The following PTPRD variants were observed in gnomAD, a reference collection of about 807,000 sequenced individuals.
PTPRD encodes the protein receptor-type tyrosine-protein phosphatase delta.
In PTPRD, 34 loss-of-function variants were observed where a neutral mutation model predicts 214.5. That is an observed-to-expected ratio of 0.16 (90% CI 0.12 to 0.21). PTPRD has a LOEUF of 0.21. PTPRD is among the 10% of genes least tolerant of loss of function. The pLI, the probability that PTPRD is intolerant of heterozygous loss-of-function variation, is 1.00. For synonymous variants in PTPRD, 1,128 were observed against 845.7 expected (o/e 1.33, Z -5.79); for missense variants, 2,545 against 2,398.7 (o/e 1.06, Z -1.27).
intron 10 of PTPRD, among the ~76,000 whole-genome samples, chr9:9,040,346 C>T (rs2099635754): frequency 6.6e-6 from 1 of 152,280 alleles, no homozygotes; most frequent in Admixed American, 6.5e-5. Context: ...AAGAAAGCAA[C>T]ACCATATGCC....
chr9:10,610,476 G>A (rs1041719622), intron 2 of PTPRD, among the ~76,000 whole-genome samples: 2 of 151,198 alleles, frequency 1.3e-5, no homozygotes, highest in African/African-American at 4.9e-5. Flanking sequence ...CCCTACTTAG[G>A]TACAATCTTC....
intron 5 of PTPRD, among the ~76,000 whole-genome samples, chr9:9,929,520 T>A (rs201615873): frequency 2.6e-5 from 4 of 152,130 alleles, no homozygotes; most frequent in Admixed American, 2.0e-4. Flanking sequence ...CAGCCTCCCA[T>A]GCAGCTGGGA....
intron 14 of PTPRD, among the ~76,000 whole-genome samples, chr9:8,620,557 A>T (rs942257758): frequency 7.9e-5 from 12 of 151,946 alleles, no homozygotes; most frequent in Non-Finnish European, 1.5e-4. Flanking sequence ...GGAGATAGAA[A>T]CCTTGACCTT....
chr9:9,300,418 C>G (rs560711312), intron 9 of PTPRD, among the ~76,000 whole-genome samples: 2 of 151,854 alleles, frequency 1.3e-5, no homozygotes, highest in Non-Finnish European at 2.9e-5. Context: ...GACAGCGCCT[C>G]TTCATCATTA....
intron 11 of PTPRD, among the ~76,000 whole-genome samples, chr9:9,000,195 G>A (rs1037178711): frequency 4.6e-5 from 7 of 151,998 alleles, no homozygotes; most frequent in East Asian, 1.9e-4. Flanking sequence ...GTGGAGCTGC[G>A]TTCTGAATCA....
chr9:9,556,556 A>G (rs550915774), intron 8 of PTPRD, among the ~76,000 whole-genome samples: 4 of 152,280 alleles, frequency 2.6e-5, no homozygotes, highest in African/African-American at 9.6e-5. Flanking sequence ...CTTGCCCCCA[A>G]TTTTCTTGCC....
At chr9:8,895,856 A>G (rs575747707) in intron 11 of PTPRD, among the ~76,000 whole-genome samples, 6 of 152,206 alleles carry the variant, frequency 3.9e-5, no homozygotes, top group African/African-American at 1.4e-4. Flanking sequence ...TTCACATTAA[A>G]GTTGGGCATT....
At chr9:9,923,182 G>T (rs969885849) in intron 5 of PTPRD, among the ~76,000 whole-genome samples, 4 of 148,714 alleles carry the variant, frequency 2.7e-5, no homozygotes, top group Admixed American at 2.7e-4. Context: ...TAAGACAAAT[G>T]TTAACTCTAC....
chr9:9,076,793 T>A (rs75385618), intron 10 of PTPRD, among the ~76,000 whole-genome samples: 1 of 24,746 alleles, frequency 4.0e-5, no homozygotes, highest in South Asian at 7.3e-4. Context: ...GATAATTTCC[T>A]TTTTTTTTTT....
At chr9:8,396,639 C>G (rs1251423654) in intron 36 of PTPRD, among the ~76,000 whole-genome samples, 11 of 152,176 alleles carry the variant, frequency 7.2e-5, no homozygotes, top group Non-Finnish European at 8.8e-5. Flanking sequence ...AAAAACAACA[C>G]AGCCAGCCAG....
chr9:9,547,238 T>A (rs866097014), intron 8 of PTPRD, among the ~76,000 whole-genome samples: 1 of 152,094 alleles, frequency 6.6e-6, no homozygotes, highest in South Asian at 2.1e-4. Flanking sequence ...TACGCAGTCA[T>A]CCTCATCATT....
At chr9:9,970,555 GA>G (rs35486253) in intron 4 of PTPRD, among the ~76,000 whole-genome samples, 2 of 151,860 alleles carry the variant, frequency 1.3e-5, no homozygotes, top group African/African-American at 2.4e-5. Context: ...TACCTAGTAG[GA>G]AAAAAAATTG....
At chr9:9,454,928 G>C (rs1348267281) in intron 8 of PTPRD, among the ~76,000 whole-genome samples, 1 of 151,302 alleles carries the variant, frequency 6.6e-6, no homozygotes, top group Non-Finnish European at 1.5e-5. Context: ...TGTTTAAATA[G>C]AATCTGTATA....
intron 11 of PTPRD, among the ~76,000 whole-genome samples, chr9:8,982,316 C>A (rs1332349773): frequency 6.6e-6 from 1 of 151,936 alleles, no homozygotes. Flanking sequence ...GCGTTAGCTT[C>A]TTTTAGGGCA....
intron 9 of PTPRD, among the ~76,000 whole-genome samples, chr9:9,244,674 A>C (rs1248587455): frequency 6.6e-6 from 1 of 152,206 alleles, no homozygotes; most frequent in Non-Finnish European, 1.5e-5. Context: ...ACCAAAAACC[A>C]TAAAAACCCT....
intron 9 of PTPRD, among the ~76,000 whole-genome samples, chr9:9,396,904 G>A (rs777425723): frequency 6.6e-6 from 1 of 151,970 alleles, no homozygotes; most frequent in Non-Finnish European, 1.5e-5. Flanking sequence ...TCTTCCAAGA[G>A]AGACATAAAT....
chr9:9,129,920 A>C (rs1454516578), intron 10 of PTPRD, among the ~76,000 whole-genome samples: 1 of 152,134 alleles, frequency 6.6e-6, no homozygotes, highest in African/African-American at 2.4e-5. Flanking sequence ...CAAGTTATGT[A>C]ATTTCTCTCT....
At chr9:8,693,125 C>G (rs867388741) in intron 12 of PTPRD, among the ~76,000 whole-genome samples, 1 of 152,176 alleles carries the variant, frequency 6.6e-6, no homozygotes, top group African/African-American at 2.4e-5. Context: ...GATACTTGCT[C>G]GTGTCCTTTG....
At position 9,259,747 on chromosome 9, in the gene PTPRD, G is replaced by A. The variant is rs139465710; in HGVS notation, c.-202-76384C>T. ...CAATAAACTTTCAGTAATAGTAAAC[G>A]CAGATCAGGTGGAGAAGAAAGGTTT... On this transcript the variant is annotated intron_variant, in intron 9 of 45. Transcript: ENST00000381196. 3.2e-3 allele frequency among the ~76,000 whole-genome samples: 492 copies of A among 151,952 alleles called. 2 individuals carry two copies. Among genetic ancestry groups the A allele is most frequent in the African/African-American group, 0.011 (453 of 41,482 alleles).
Sources: gnomAD v4.1 joint callset for allele counts (sites outside exome capture counted in the v4.1 genomes callset) on GRCh38, gnomAD v4.1.1 for gene constraint, MANE v1.5 for transcripts, NCBI Gene and HGNC (gene_info 2026-07-23, HGNC 2026-07-21) for gene names.